The following CNTNAP2 variants were observed in gnomAD, a reference collection of about 807,000 sequenced individuals.
The protein encoded by CNTNAP2 is contactin associated protein 2.
In CNTNAP2, 98 loss-of-function variants were observed where a neutral mutation model predicts 155.2. The observed-to-expected ratio is 0.63, with a 90% CI of 0.54 to 0.75. The LOEUF (loss-of-function observed/expected upper bound fraction) is 0.75. Among genes scored for constraint, CNTNAP2 ranks in the 30% least tolerant of loss-of-function variants. The pLI, the probability that CNTNAP2 is intolerant of heterozygous loss-of-function variation, is 0.00. For synonymous variants in CNTNAP2, 651 were observed against 631.2 expected (o/e 1.03, Z -0.47); for missense variants, 1,727 against 1,688.1 (o/e 1.02, Z -0.40).
intron 1 of CNTNAP2, among the ~76,000 whole-genome samples, chr7:146,542,474 C>T (rs1410798411): frequency 1.3e-5 from 2 of 151,870 alleles, no homozygotes; most frequent in Non-Finnish European, 2.9e-5. Context: ...GTTCTAAAGA[C>T]AACTGTTCCA....
At chr7:146,419,201 T>C (rs941364077) in intron 1 of CNTNAP2, among the ~76,000 whole-genome samples, 8 of 152,070 alleles carry the variant, frequency 5.3e-5, no homozygotes, top group African/African-American at 1.9e-4. Context: ...CAAGAGCTAA[T>C]GAAAGCTAAA....
At chr7:146,136,209 A>G (rs73736897) in intron 1 of CNTNAP2, among the ~76,000 whole-genome samples, 2,882 of 152,284 alleles carry the variant, frequency 0.019, 77 homozygotes, top group African/African-American at 0.06. Context: ...CTTAATAGTA[A>G]CTGAGTGTGA....
At chr7:147,915,873 G>A (rs1800151269) in intron 14 of CNTNAP2, among the ~76,000 whole-genome samples, 1 of 152,158 alleles carries the variant, frequency 6.6e-6, no homozygotes, top group Non-Finnish European at 1.5e-5. Context: ...ACACCATCCC[G>A]TGTACGTTAC....
intron 1 of CNTNAP2, among the ~76,000 whole-genome samples, chr7:146,405,378 C>G (rs952523233): frequency 6.6e-6 from 1 of 152,112 alleles, no homozygotes; most frequent in African/African-American, 2.4e-5. Flanking sequence ...TGCTCAGCAA[C>G]GTTGATACCT....
At chr7:147,245,571 T>G (rs1009869005) in intron 8 of CNTNAP2, among the ~76,000 whole-genome samples, 6 of 151,960 alleles carry the variant, frequency 3.9e-5, no homozygotes, top group Non-Finnish European at 8.8e-5. Flanking sequence ...CGGTGGCTCA[T>G]GCCTGTAATC....
intron 22 of CNTNAP2, among the ~76,000 whole-genome samples, chr7:148,395,293 T>C (rs1799445078): frequency 6.6e-6 from 1 of 152,130 alleles, no homozygotes; most frequent in Non-Finnish European, 1.5e-5. Flanking sequence ...CTCTCTTATT[T>C]TCCTTCTTGG....
chr7:147,285,513 A>G (rs1429124322), intron 8 of CNTNAP2, among the ~76,000 whole-genome samples: 1 of 152,014 alleles, frequency 6.6e-6, no homozygotes, highest in Non-Finnish European at 1.5e-5. Flanking sequence ...AACATTTAGA[A>G]AAAATGAGAA....
rs1037505319 is a variant in CNTNAP2 at position 147,511,155 on chromosome 7, C to T, written c.1777+25114C>T. Among the ~76,000 whole-genome samples, 20 of 152,030 alleles carry T rather than the reference C, an allele frequency of 1.3e-4. No individual in the cohort carries two copies. The East Asian group carries it at 3.7e-3, about 28-fold the overall frequency. On this transcript the variant is annotated intron_variant, in intron 11 of 23. Transcript: ENST00000361727. The stretch of plus-strand genomic sequence containing the variant: ...CCAAGTAAGAATTAAGCTATTGTGT[C>T]GGTGCATACAGACAACTGCAGTCCT...
At chr7:146,288,223 G>C (rs1284860564) in intron 1 of CNTNAP2, among the ~76,000 whole-genome samples, 2 of 151,270 alleles carry the variant, frequency 1.3e-5, no homozygotes, top group Non-Finnish European at 2.9e-5. Context: ...GCTTGGACCT[G>C]GGAGGCCGAG....
intron 1 of CNTNAP2, among the ~76,000 whole-genome samples, chr7:146,704,675 G>C (rs1800933401): frequency 6.6e-6 from 1 of 152,118 alleles, no homozygotes; most frequent in South Asian, 2.1e-4. Flanking sequence ...TAACCAAATA[G>C]TTTAGGAAAC....
chr7:147,790,129 A>T (rs896136133), intron 13 of CNTNAP2, among the ~76,000 whole-genome samples: 1 of 152,108 alleles, frequency 6.6e-6, no homozygotes, highest in Non-Finnish European at 1.5e-5. Flanking sequence ...CCAAATCTTT[A>T]GTTGTCATGT....
At chr7:146,948,083 A>G (rs1797229253) in intron 3 of CNTNAP2, among the ~76,000 whole-genome samples, 1 of 152,166 alleles carries the variant, frequency 6.6e-6, no homozygotes, top group Admixed American at 6.5e-5. Context: ...CATTTGAATG[A>G]AGGTATTCAT....
chr7:148,257,098 C>G (rs945866010), intron 20 of CNTNAP2, among the ~76,000 whole-genome samples: 4 of 152,090 alleles, frequency 2.6e-5, no homozygotes, highest in Non-Finnish European at 4.4e-5. Flanking sequence ...AGTGCCTCCC[C>G]AGGTGTGAGA....
intron 1 of CNTNAP2, among the ~76,000 whole-genome samples, chr7:146,160,538 G>T (rs1384573423): frequency 6.6e-6 from 1 of 152,138 alleles, no homozygotes; most frequent in Non-Finnish European, 1.5e-5. Flanking sequence ...TGATCTCACA[G>T]AAATGCAAAC....
chr7:147,270,674 T>G (rs1470000110), intron 8 of CNTNAP2, among the ~76,000 whole-genome samples: 3 of 152,202 alleles, frequency 2.0e-5, no homozygotes, highest in Non-Finnish European at 4.4e-5. Context: ...TACTAATGAT[T>G]GTCACACAGG....
chr7:146,527,560 A>G (rs1318676666), intron 1 of CNTNAP2, among the ~76,000 whole-genome samples: 1 of 150,156 alleles, frequency 6.7e-6, no homozygotes, highest in Non-Finnish European at 1.5e-5. Flanking sequence ...AAATAAGGTG[A>G]GCTTGGAAAT....
intron 3 of CNTNAP2, among the ~76,000 whole-genome samples, chr7:146,858,296 A>G (rs1222333908): frequency 6.6e-6 from 1 of 152,240 alleles, no homozygotes; most frequent in Admixed American, 6.5e-5. Flanking sequence ...GAACCTGCCT[A>G]AATGAGAAAG....
At chr7:147,147,529 G>T (rs1422977767) in intron 8 of CNTNAP2, among the ~76,000 whole-genome samples, 2 of 152,138 alleles carry the variant, frequency 1.3e-5, no homozygotes, top group Non-Finnish European at 2.9e-5. Context: ...AGAGCTGAAG[G>T]CATGATAGAG....
chr7:146,786,188 C>T (rs1802570853), intron 2 of CNTNAP2, among the ~76,000 whole-genome samples: 1 of 152,166 alleles, frequency 6.6e-6, no homozygotes, highest in Non-Finnish European at 1.5e-5. Flanking sequence ...CTGTATTTTT[C>T]AATATCTACT....
Sources: allele counts gnomAD v4.1 joint callset (sites outside exome capture counted in the v4.1 genomes callset), GRCh38; gene constraint gnomAD v4.1.1; transcripts MANE v1.5; gene names NCBI Gene and HGNC (gene_info 2026-07-23, HGNC 2026-07-21).